The following RUFY2 variants were observed in gnomAD, a reference collection of about 807,000 sequenced individuals.
The protein encoded by RUFY2 is RUN and FYVE domain containing 2, also known as RUN and FYVE domain-containing protein 2.
A neutral mutation model predicts 94.4 loss-of-function variants in RUFY2; 49 were observed. The ratio of observed to expected loss-of-function variants is 0.52; its 90% confidence interval spans 0.41 to 0.66. RUFY2 has a LOEUF of 0.66. RUFY2 is among the 30% of genes least tolerant of loss of function. The pLI, the probability that RUFY2 is intolerant of heterozygous loss-of-function variation, is 0.00. For missense variants in RUFY2, 541 were observed against 692.8 expected (o/e 0.78, Z 2.46); for synonymous variants, 255 against 235.7 (o/e 1.08, Z -0.75).
At chr10:68,359,133 C>T (rs536853344) in intron 15 of RUFY2, among the ~76,000 whole-genome samples, 1 of 151,916 alleles carries the variant, frequency 6.6e-6, no homozygotes, top group African/African-American at 2.4e-5. Flanking sequence ...AATCCCAACC[C>T]TTTGGGAGGC....
chr10:68,404,381 A>G (rs768654788), intron 2 of RUFY2, among the ~76,000 whole-genome samples: 54 of 152,344 alleles, frequency 3.5e-4, no homozygotes, highest in Non-Finnish European at 6.9e-4. Context: ...GCTTTAAAAA[A>G]TAACTCTATA....
intron 16 of RUFY2, among the ~76,000 whole-genome samples, chr10:68,354,623 CAT>C (rs1341532650): frequency 1.5e-4 from 23 of 152,162 alleles, no homozygotes; most frequent in Non-Finnish European, 3.2e-4. Flanking sequence ...CTTTCACACA[CAT>C]GTATTAACCT....
intron 13 of RUFY2, among the ~76,000 whole-genome samples, chr10:68,373,478 T>C (rs1441278708): frequency 1.3e-5 from 2 of 152,184 alleles, no homozygotes; most frequent in Non-Finnish European, 2.9e-5. Context: ...TTTAAAAGCA[T>C]GAAGCAGGCC....
rs2046645834 is a variant in RUFY2 at position 68,351,219 on chromosome 10, C to A, written c.1599+4134G>T. Among the ~76,000 whole-genome samples the A allele has an allele frequency of 2.1e-5, 3 of 141,714 alleles. No homozygotes were observed. In the East Asian group the frequency reaches 6.4e-4, roughly 30 times the overall value. 93.0% of individuals were successfully genotyped at this position (141,714 alleles called of 152,430 possible). A position where few individuals can be genotyped will look rare whatever the true frequency, so the allele number is the denominator to read the frequency against. ...TGATCTCTGCTCATTGCAACCTCCACCTTCCGGGCTCAAGCAATTCTCCTG... is the reference window on the plus strand; with the variant it reads ...TGATCTCTGCTCATTGCAACCTCCAACTTCCGGGCTCAAGCAATTCTCCTG... On this transcript the variant is annotated intron_variant, in intron 16 of 17. Coordinates refer to ENST00000602465, the MANE Select transcript of RUFY2 (RefSeq NM_001330103.2).
At chr10:68,364,713 G>A (rs1395648193) in intron 13 of RUFY2, among the ~76,000 whole-genome samples, 1 of 151,368 alleles carries the variant, frequency 6.6e-6, no homozygotes, top group Non-Finnish European at 1.5e-5. Flanking sequence ...AAGCATTCCT[G>A]CATTGTTCTT....
At chr10:68,406,705 G>C in intron 1 of RUFY2, 1 of 1,506,096 alleles carries the variant, frequency 6.6e-7, no homozygotes, top group Non-Finnish European at 9.0e-7. Context: ...CCCCCAGCAA[G>C]GCTGCCCAGA....
intron 16 of RUFY2, among the ~76,000 whole-genome samples, chr10:68,353,761 T>C (rs2046859558): frequency 6.6e-6 from 1 of 151,974 alleles, no homozygotes; most frequent in African/African-American, 2.4e-5. Flanking sequence ...ATTGTGCCAC[T>C]GTACTCCAGC....
chr10:68,382,663 G>A (rs1363462130), intron 10 of RUFY2, among the ~76,000 whole-genome samples: 6 of 148,576 alleles, frequency 4.0e-5, no homozygotes, highest in East Asian at 2.0e-4. Context: ...GCAGTGAGCC[G>A]AGATGGCGCC....
At position 68,401,748 on chromosome 10, in the gene RUFY2, G is replaced by T. The variant is rs925442414; in HGVS notation, c.179-11C>A. ...AAAATGATTTTCTTACTGAAAAAAA[G>T]AACACATAATGCACACAATGTCAAC... On this transcript the variant is annotated splice_polypyrimidine_tract_variant and intron_variant, in intron 2 of 17. Transcript: ENST00000602465. 61 of 1,477,170 alleles carry T rather than the reference G, an allele frequency of 4.1e-5. No homozygotes were observed. The Admixed American group carries it at 1.0e-3, about 25-fold the overall frequency. 91.5% of individuals were successfully genotyped at this position (1,477,170 alleles called of 1,614,324 possible). A position where few individuals can be genotyped will look rare whatever the true frequency, so the allele number is the denominator to read the frequency against.
intron 13 of RUFY2, among the ~76,000 whole-genome samples, chr10:68,369,305 T>C (rs753112658): frequency 6.6e-6 from 1 of 150,620 alleles, no homozygotes; most frequent in Non-Finnish European, 1.5e-5. Context: ...GTCAACATGG[T>C]GAAACCTCAT....
Position 68,345,906 on chromosome 10 carries a change from G to A in RUFY2, c.1683C>T (p.His561=), listed in dbSNP as rs770462653. 4 of 1,613,792 alleles carry A rather than the reference G, an allele frequency of 2.5e-6. No homozygotes were observed. The highest frequency in any genetic ancestry group is 2.2e-5 in the East Asian group (1 of 44,880). ...KEFSLSKRKH[H]CRNCGEIFCN... is the part of the protein sequence containing the mutation. ...AGAAAATTTCCCCACAATTTCTACA[G>A]TGGTGCTATTAAACAGAAAAATCAG... The change falls in exon 18 of 18, where the codon CAC becomes CAT. Residue 561 remains histidine (H), a synonymous_variant. Coordinates refer to ENST00000602465, the MANE Select transcript of RUFY2 (RefSeq NM_001330103.2).
intron 6 of RUFY2, 52 bp from the exon 7 acceptor site, chr10:68,393,255 C>CA: frequency 1.1e-6 from 1 of 918,758 alleles, no homozygotes; most frequent in African/African-American, 2.1e-5. Context: ...ATTTATTAAG[C>CA]ACAAAAAAAT....
In RUFY2 at chr10:68,393,175, G is replaced by C. The variant is rs745585539; in HGVS notation, c.613C>G (p.Gln205Glu). The change falls in exon 7 of 18, where the codon CAA becomes GAA. Residue 205 changes from glutamine (Q) to glutamate (E), a missense_variant. Physicochemically the swap from Gln to Glu is conservative, Grantham distance 29. Transcript: ENST00000602465. ...TTTAATTCTTCAACATAATTCTTTTGGTCTAATATGGCAGCAATTTGAACA... is the reference window on the plus strand; with the variant it reads ...TTTAATTCTTCAACATAATTCTTTTCGTCTAATATGGCAGCAATTTGAACA... Reference protein sequence around the residue: ...RNVQIAAILDQKNYVEELNRQ... With the variant: ...RNVQIAAILDEKNYVEELNRQ... 1 of 1,553,764 alleles carries C rather than the reference G, an allele frequency of 6.4e-7. No individual in the cohort carries two copies. The highest frequency in any genetic ancestry group is 1.2e-5 in the South Asian group (1 of 86,342).
At chr10:68,406,683 T>G in intron 1 of RUFY2, 5 of 1,386,344 alleles carry the variant, frequency 3.6e-6, no homozygotes, top group Non-Finnish European at 4.9e-6. Context: ...CTGCCTCTCT[T>G]CCTGCCCCCT....
At chr10:68,346,196 T>TC in intron 16 of RUFY2, 112 bp from the exon 17 acceptor site, 1 of 783,276 alleles carries the variant, frequency 1.3e-6, no homozygotes, top group Non-Finnish European at 2.0e-6. Context: ...GAATGGAAAA[T>TC]AAGTTATTTT....
At chr10:68,398,154 T>C (rs1319002584) in intron 3 of RUFY2, among the ~76,000 whole-genome samples, 1 of 145,680 alleles carries the variant, frequency 6.9e-6, no homozygotes, top group African/African-American at 2.6e-5. Context: ...AAAAAAATTC[T>C]ACAATAAGGC....
In RUFY2 at chr10:68,381,343, G is replaced by A; in HGVS notation, c.996C>T (p.Ala332=). 1 of 1,613,884 alleles carries A rather than the reference G, an allele frequency of 6.2e-7. No individual in the cohort carries two copies. Among genetic ancestry groups the A allele is most frequent in the Non-Finnish European group, 8.5e-7 (1 of 1,179,920 alleles). Residue 332 remains alanine (A), a synonymous_variant, in exon 11 of 18, where the codon GCC becomes GCT. Transcript: ENST00000602465. ...QVSMKHEIEL[A]MKLLEKDIHE... Reference sequence around the variant, plus strand: ...GGATATCTTTCTCCAGCAACTTCATGGCAAGTTCAATCTCATGCTTCATAC... The same window carrying A: ...GGATATCTTTCTCCAGCAACTTCATAGCAAGTTCAATCTCATGCTTCATAC...
intron 1 of RUFY2, chr10:68,406,954 C>T: frequency 1.3e-6 from 2 of 1,549,338 alleles, no homozygotes; most frequent in South Asian, 2.4e-5. Context: ...AGCCCTCGGC[C>T]ACTATGCCTC....
At chr10:68,374,538 G>A (rs914427785) in intron 13 of RUFY2, among the ~76,000 whole-genome samples, 1 of 151,894 alleles carries the variant, frequency 6.6e-6, no homozygotes, top group Non-Finnish European at 1.5e-5. Flanking sequence ...AAACAGAATT[G>A]AAAAAATATA....
Sources: gnomAD v4.1 joint callset for allele counts (sites outside exome capture counted in the v4.1 genomes callset) on GRCh38, gnomAD v4.1.1 for gene constraint, MANE v1.5 for transcripts, NCBI Gene and HGNC (gene_info 2026-07-23, HGNC 2026-07-21) for gene names.